Variants in SPTBN2 observed in about 807,000 individuals in gnomAD.
SPTBN2 encodes spectrin beta chain, non-erythrocytic 2.
SPTBN2 carries 107 observed loss-of-function variants against 284.2 expected under a neutral mutation model. That is an observed-to-expected ratio of 0.38 (90% CI 0.32 to 0.44). The LOEUF (loss-of-function observed/expected upper bound fraction) is 0.44. Among genes scored for constraint, SPTBN2 ranks in the 20% least tolerant of loss-of-function variants. The pLI is 1.00. For synonymous variants in SPTBN2, 1,289 were observed against 1,354.8 expected, an observed-to-expected ratio of 0.95 and a Z score of 1.07; for missense variants, 2,569 against 3,287.1, an observed-to-expected ratio of 0.78 and a Z score of 5.34.
intron 1 of SPTBN2, among the ~76,000 whole-genome samples, chr11:66,726,422 G>A (rs1007666755): frequency 1.3e-5 from 2 of 152,160 alleles, no homozygotes; most frequent in Non-Finnish European, 2.9e-5. Context: ...ACCTGTTCCC[G>A]GGTGACACTG....
chr11:66,716,125 C>A (rs889627057), intron 3 of SPTBN2, 144 bp from the exon 4 acceptor site: 1 of 1,096,850 alleles, frequency 9.1e-7, no homozygotes, highest in Non-Finnish European at 1.4e-6. Flanking sequence ...GGAAGATGAC[C>A]GGGAGGAAAG....
intron 1 of SPTBN2, among the ~76,000 whole-genome samples, chr11:66,737,898 T>C (rs1411790291): frequency 6.6e-6 from 1 of 152,154 alleles, no homozygotes; most frequent in Non-Finnish European, 1.5e-5. Flanking sequence ...TGGGAAATAC[T>C]AGATTAAATG....
chr11:66,693,161 C>T lies in SPTBN2; in HGVS notation c.4854+25G>A, dbSNP rs1940677975. The T allele has an allele frequency of 1.2e-6, 2 of 1,614,118 alleles. No homozygotes were observed. The highest frequency in any genetic ancestry group is 3.3e-5 in the Admixed American group (2 of 60,014). On this transcript the variant is annotated intron_variant, in intron 24 of 37. Coordinates refer to ENST00000533211, the MANE Select transcript of SPTBN2 (RefSeq NM_006946.4). The surrounding 1 kb of genome is among the most constrained non-coding windows in gnomAD (Gnocchi z 5.7). ...AGGGGAGGGCAGAACTGGTCACATA[C>T]ACTGGGCTCTGTCCTGGCCCTCACC...
Position 66,689,092 on chromosome 11 carries a change from T to C in SPTBN2, c.6034+4A>G. On this transcript the variant is annotated splice_donor_region_variant and intron_variant, in intron 30 of 37. Coordinates refer to ENST00000533211, the MANE Select transcript of SPTBN2 (RefSeq NM_006946.4). ...CAGGGCCTGGGGCCCCCTTGGCAGC[T>C]CACCCAGCTGAAGCCAGTCCATCTT... 6.2e-7 allele frequency: 1 copy of C among 1,604,532 alleles called. No individual in the cohort carries two copies. The highest frequency in any genetic ancestry group is 8.5e-7 in the Non-Finnish European group (1 of 1,175,008).
At position 66,691,545 on chromosome 11, in the gene SPTBN2, T is replaced by G; in HGVS notation, c.5304A>C (p.Ala1768=). The change falls in exon 27 of 38, where the codon GCA becomes GCC. Residue 1768 remains alanine (A), a synonymous_variant. Coordinates refer to ENST00000533211, the MANE Select transcript of SPTBN2 (RefSeq NM_006946.4). This position sits in a 1 kb window ranked among gnomAD's most constrained non-coding sequence, Gnocchi z 8.0. ...CCTTCCACTCGGCCACGGTGGCCCG[T>G]GCAGCATGGCCCCCAGCAATGAGCC... ...ANGLIAGGHA[A]RATVAEWKDS... The G allele has an allele frequency of 3.7e-6, 6 of 1,613,274 alleles. No individual in the cohort carries two copies. Among genetic ancestry groups the G allele is most frequent in the Non-Finnish European group, 5.1e-6 (6 of 1,180,032 alleles).
chr11:66,713,209 A>G (rs1941966327), intron 8 of SPTBN2, among the ~76,000 whole-genome samples: 1 of 150,946 alleles, frequency 6.6e-6, no homozygotes, highest in Non-Finnish European at 1.5e-5. Flanking sequence ...TCCTACCTAC[A>G]GTCTTTTGTT....
rs776182556 is a variant in SPTBN2, at chr11:66,707,493, C to G, written c.1653+23G>C. ...CCTCGACTCTTGATCACTCTTACCC[C>G]ACCCAGCACGCCTCACTGGTACCTT... On this transcript the variant is annotated intron_variant, in intron 13 of 37. Transcript: ENST00000533211. This position sits in a 1 kb window ranked among gnomAD's most constrained non-coding sequence, Gnocchi z 4.9. 7.0e-6 allele frequency: 11 copies of G among 1,580,070 alleles called. No homozygotes were observed. The highest frequency in any genetic ancestry group is 8.6e-6 in the Non-Finnish European group (10 of 1,163,500).
In SPTBN2 at chr11:66,686,559, G is replaced by A; in HGVS notation, c.6897-119C>T. 9 of 1,113,854 alleles carry A rather than the reference G, an allele frequency of 8.1e-6. No homozygotes were observed. In the South Asian group the frequency reaches 9.9e-5, roughly 12 times the overall value. 69.0% of individuals were successfully genotyped at this position (1,113,854 alleles called of 1,614,324 possible). A position where few individuals can be genotyped will look rare whatever the true frequency, so the allele number is the denominator to read the frequency against. On this transcript the variant is annotated intron_variant, in intron 36 of 37. Coordinates refer to ENST00000533211, the MANE Select transcript of SPTBN2 (RefSeq NM_006946.4). ...GGGACATCTGGCTGCAGCCCTCAGA[G>A]CCGGACCAGACACGCTCTGCACATT...
rs777788938 is a variant in SPTBN2 at position 66,686,240 on chromosome 11, TAGAC to T, written c.6940-140_6940-137del. The T allele has an allele frequency of 7.9e-6, 11 of 1,390,122 alleles. No individual in the cohort carries two copies. In the South Asian group the frequency reaches 8.1e-5, roughly 10 times the overall value. 86.1% of individuals were successfully genotyped at this position (1,390,122 alleles called of 1,614,324 possible). A position where few individuals can be genotyped will look rare whatever the true frequency, so the allele number is the denominator to read the frequency against. ...TGCTATTAGGAGAATGTGGCCGGCT[TAGAC>T]AGGGAGTGCGGCCTGGTGCGGCCGT... On this transcript the variant is annotated intron_variant, in intron 37 of 37. Coordinates refer to ENST00000533211, the MANE Select transcript of SPTBN2 (RefSeq NM_006946.4).
intron 15 of SPTBN2, among the ~76,000 whole-genome samples, chr11:66,704,168 T>C (rs1024144011): frequency 1.3e-5 from 2 of 151,886 alleles, no homozygotes; most frequent in East Asian, 3.9e-4. Flanking sequence ...GAGACAGCGT[T>C]TCACCATGTT....
rs369962354 is a variant in SPTBN2, at chr11:66,714,443, A to T, written c.484-36T>A. The T allele has an allele frequency of 2.3e-5, 35 of 1,534,958 alleles. 1 individual carries two copies. In the African/African-American group the frequency reaches 4.8e-4, roughly 21 times the overall value. On this transcript the variant is annotated intron_variant, in intron 5 of 37. Coordinates refer to ENST00000533211, the MANE Select transcript of SPTBN2 (RefSeq NM_006946.4). ...AGCAAGCAGGGCCCTCAGTCCCTGG[A>T]CAGGAACTCCTGGTGTTATCAGAGA...
rs1321106041 is a variant in SPTBN2 at position 66,704,575 on chromosome 11, C to T, written c.2678+23G>A. On this transcript the variant is annotated intron_variant, in intron 15 of 37. Transcript: ENST00000533211. ...CACCCCCACCTCCCAAGGCTGGTCC[C>T]ACTAGGAGCCTGAGGGGCCTACCTC... 3 of 1,606,980 alleles carry T rather than the reference C, an allele frequency of 1.9e-6. No homozygotes were observed. The African/African-American group carries it at 4.0e-5, about 21-fold the overall frequency.
In SPTBN2 at chr11:66,736,877, G is replaced by T. The variant is rs181483159; in HGVS notation, c.-475+7665C>A. 6.0e-4 allele frequency among the ~76,000 whole-genome samples: 92 copies of T among 152,356 alleles called. 1 individual carries two copies. Among genetic ancestry groups the T allele is most frequent in the Admixed American group, 5.9e-3 (91 of 15,300 alleles). Reference sequence around the variant, plus strand: ...TGGCGCACAGCTAGTAGCTAGTCATGTCAACTACTATGGCTTCTGAAACTT... The same window carrying T: ...TGGCGCACAGCTAGTAGCTAGTCATTTCAACTACTATGGCTTCTGAAACTT... On this transcript the variant is annotated intron_variant, in intron 1 of 37. Coordinates refer to the SPTBN2 transcript ENST00000611817.
Position 66,687,217 on chromosome 11 carries a change from T to G in SPTBN2, c.6723-50A>C. On this transcript the variant is annotated intron_variant, in intron 35 of 37. Coordinates refer to ENST00000533211, the MANE Select transcript of SPTBN2 (RefSeq NM_006946.4). This position sits in a 1 kb window ranked among gnomAD's most constrained non-coding sequence, Gnocchi z 5.2. ...GCCGGCCTCAGTGGCGCCCGCAACC[T>G]GGAGCCCTCTTGGGTGTCCTAGGAC... 1 of 1,608,342 alleles carries G rather than the reference T, an allele frequency of 6.2e-7. No individual in the cohort carries two copies. Among genetic ancestry groups the G allele is most frequent in the East Asian group, 2.2e-5 (1 of 44,772 alleles).
At chr11:66,744,067 G>T (rs1218355365) in intron 1 of SPTBN2, among the ~76,000 whole-genome samples, 1 of 152,034 alleles carries the variant, frequency 6.6e-6, no homozygotes, top group African/African-American at 2.4e-5. Flanking sequence ...CACCATGTTG[G>T]CCAGGCTGGT....
chr11:66,690,708 G>A (rs186249182), intron 27 of SPTBN2, among the ~76,000 whole-genome samples: 32 of 152,308 alleles, frequency 2.1e-4, no homozygotes, highest in African/African-American at 7.0e-4. Flanking sequence ...CTGATTTAGC[G>A]CAGCATGAAG....
intron 21 of SPTBN2, among the ~76,000 whole-genome samples, chr11:66,695,350 G>A (rs543803208): frequency 2.0e-5 from 3 of 152,318 alleles, no homozygotes; most frequent in African/African-American, 7.2e-5. Context: ...CGACTCTCCA[G>A]GCTCAAACAA....
rs201893446 is a variant in SPTBN2 at position 66,698,829 on chromosome 11, G to C, written c.3868-44C>G. On this transcript the variant is annotated intron_variant, in intron 19 of 37. Transcript: ENST00000533211. ...AGGGACATTTCCAAGGGAGGGGAGA[G>C]GGGGGCATAAAAGCAGGGCCACAGT... The C allele has an allele frequency of 1.6e-5, 25 of 1,610,774 alleles. No individual in the cohort carries two copies. The Admixed American group carries it at 2.2e-4, about 14-fold the overall frequency.
chr11:66,724,714 C>T (rs911715846), intron 1 of SPTBN2, among the ~76,000 whole-genome samples: 1 of 152,222 alleles, frequency 6.6e-6, no homozygotes, highest in Admixed American at 6.5e-5. Flanking sequence ...CAACCCTGGC[C>T]TTCAAGCAGG....
Sources: gnomAD v4.1 joint callset for allele counts (sites outside exome capture counted in the v4.1 genomes callset) on GRCh38, gnomAD v4.1.1 for gene constraint, Gnocchi (gnomAD v3.1) non-coding constraint, MANE v1.5 for transcripts, NCBI Gene and HGNC (gene_info 2026-07-23, HGNC 2026-07-21) for gene names.